MBNL1: variants seen among roughly 807,000 people sequenced by gnomAD.
MBNL1 encodes muscleblind like splicing regulator 1.
A neutral mutation model predicts 42.2 loss-of-function variants in MBNL1; 8 were observed. That is an observed-to-expected ratio of 0.19 (90% CI 0.11 to 0.34). The LOEUF (loss-of-function observed/expected upper bound fraction) is 0.34, where lower values mean the gene tolerates loss of function less well. MBNL1 is among the 10% of genes least tolerant of loss of function. The probability of loss-of-function intolerance (pLI) is 1.00; values close to 1 mark genes in which losing one functional copy is unlikely to be tolerated. For missense variants in MBNL1, 309 were observed against 495.3 expected, an observed-to-expected ratio of 0.62 and a Z score of 3.57; for synonymous variants, 169 against 173.9, an observed-to-expected ratio of 0.97 and a Z score of 0.22.
chr3:152,314,349 G>A (rs188748545), intron 2 of MBNL1, among the ~76,000 whole-genome samples: 3 of 146,890 alleles, frequency 2.0e-5, no homozygotes, highest in Admixed American at 6.8e-5. Context: ...ATTCTAGCCT[G>A]TTGAAATGGT....
At chr3:152,395,069 C>T (rs1312905420) in intron 2 of MBNL1, among the ~76,000 whole-genome samples, 1 of 152,070 alleles carries the variant, frequency 6.6e-6, no homozygotes, top group African/African-American at 2.4e-5. Context: ...CCATGTTGGC[C>T]AGGATGGTCT....
chr3:152,414,208 T>G (rs2098655171), intron 2 of MBNL1, among the ~76,000 whole-genome samples: 1 of 152,256 alleles, frequency 6.6e-6, no homozygotes, highest in Non-Finnish European at 1.5e-5. Context: ...TTATAGCAAC[T>G]TAGTTTCTCC....
At chr3:152,393,155 C>T (rs2097787957) in intron 2 of MBNL1, among the ~76,000 whole-genome samples, 1 of 152,144 alleles carries the variant, frequency 6.6e-6, no homozygotes, top group South Asian at 2.1e-4. Context: ...TTCTGTCATT[C>T]CTCCCTGAAA....
chr3:152,247,094 C>G (rs1200710363), intron 2 of MBNL1, among the ~76,000 whole-genome samples: 1 of 152,044 alleles, frequency 6.6e-6, no homozygotes, highest in Non-Finnish European at 1.5e-5. Context: ...GTTTCCTCTT[C>G]TTTTGGCCAT....
intron 2 of MBNL1, among the ~76,000 whole-genome samples, chr3:152,348,249 T>C (rs1175051387): frequency 1.3e-5 from 2 of 152,096 alleles, no homozygotes; most frequent in Middle Eastern, 3.2e-3. Flanking sequence ...AATATAGAAG[T>C]TGCTATATCA....
intron 5 of MBNL1, among the ~76,000 whole-genome samples, 162 bp downstream of exon 5, chr3:152,445,701 G>A (rs2099213885): frequency 6.6e-6 from 1 of 152,196 alleles, no homozygotes; most frequent in South Asian, 2.1e-4. Context: ...TACTTTCACA[G>A]AAGTGAGGGT....
chr3:152,296,339 CTG>C (rs1339214469), intron 1 of MBNL1, among the ~76,000 whole-genome samples: 2 of 152,054 alleles, frequency 1.3e-5, no homozygotes, highest in African/African-American at 4.8e-5. Context: ...TTGAGAATGA[CTG>C]AGTCAAGGTG....
At chr3:152,298,103 A>G (rs2059403629) in intron 1 of MBNL1, among the ~76,000 whole-genome samples, 1 of 152,184 alleles carries the variant, frequency 6.6e-6, no homozygotes, top group African/African-American at 2.4e-5. Context: ...TTTTTAATGT[A>G]CGTATGTATT....
Position 152,273,579 on chromosome 3 carries a change from G to A in MBNL1, c.-790+4487G>A, listed in dbSNP as rs546829802. Among the ~76,000 whole-genome samples the A allele has an allele frequency of 5.9e-5, 9 of 152,172 alleles. 1 individual carries two copies. The South Asian group carries it at 1.9e-3, about 32-fold the overall frequency. ...TTACACATTTGGTTCTTTTTCTACT[G>A]TTTTTGATTATGTTCTCTAGGTTAC... On this transcript the variant is annotated intron_variant, in intron 1 of 9. Coordinates refer to ENST00000324210, the MANE Select transcript of MBNL1 (RefSeq NM_021038.5).
Position 152,268,966 on chromosome 3 carries a change from C to G in MBNL1, c.-916C>G. 2.2e-6 allele frequency: 1 copy of G among 456,272 alleles called. No homozygotes were observed. Among genetic ancestry groups the G allele is most frequent in the South Asian group, 1.5e-5 (1 of 64,574 alleles). 28.3% of individuals were successfully genotyped at this position (456,272 alleles called of 1,614,324 possible). A position where few individuals can be genotyped will look rare whatever the true frequency, so the allele number is the denominator to read the frequency against. ...GCAGCTGAATGAGTTGTGGCGCCCA[C>G]AATGCTCCCATGACAAGGAGCTGAC... On this transcript the variant is annotated 5_prime_UTR_variant, in exon 1 of 10. Coordinates refer to ENST00000324210, the MANE Select transcript of MBNL1 (RefSeq NM_021038.5).
chr3:152,434,415 T>C (rs1034244356), intron 4 of MBNL1, among the ~76,000 whole-genome samples: 1 of 152,250 alleles, frequency 6.6e-6, no homozygotes, highest in Non-Finnish European at 1.5e-5. Context: ...TAGTATTCCA[T>C]GGTGTATATG....
Position 152,463,564 on chromosome 3 carries a change from G to A in MBNL1, c.*1198G>A, listed in dbSNP as rs1409129776. 2.0e-5 allele frequency: 3 copies of A among 152,368 alleles called. No homozygotes were observed. Among genetic ancestry groups the A allele is most frequent in the African/African-American group, 7.2e-5 (3 of 41,386 alleles). 9.4% of individuals were successfully genotyped at this position (152,368 alleles called of 1,614,324 possible). On this transcript the variant is annotated 3_prime_UTR_variant, in exon 10 of 10. Transcript: ENST00000324210. ...CATGATAAACCAAAATATGAAAATG[G>A]GAAATGTTTAATTAACCTAGTAATT...
intron 2 of MBNL1, among the ~76,000 whole-genome samples, chr3:152,362,875 T>C (rs989915637): frequency 2.6e-5 from 4 of 152,214 alleles, no homozygotes; most frequent in African/African-American, 7.2e-5. Context: ...TGTAGAGATA[T>C]AGATAAATGT....
rs556977085 is a variant in MBNL1 at position 152,435,073 on chromosome 3, G to A, written c.549+2153G>A. On this transcript the variant is annotated intron_variant, in intron 4 of 9. Transcript: ENST00000324210. ...TATCATTTTTCCATTTTTTTTTTTC[G>A]TTGCGATTGCTTTTGGCATATTTGT... 1.1e-4 allele frequency among the ~76,000 whole-genome samples: 17 copies of A among 147,836 alleles called. No homozygotes were observed. In the East Asian group the frequency reaches 1.4e-3, roughly 12 times the overall value.
At chr3:152,280,752 T>C (rs1201494514) in intron 1 of MBNL1, among the ~76,000 whole-genome samples, 1 of 152,172 alleles carries the variant, frequency 6.6e-6, no homozygotes, top group African/African-American at 2.4e-5. Flanking sequence ...TTCCAGACTT[T>C]GAAATGGTGA....
intron 2 of MBNL1, among the ~76,000 whole-genome samples, chr3:152,334,790 T>G (rs1372217778): frequency 6.6e-6 from 1 of 152,202 alleles, no homozygotes; most frequent in Non-Finnish European, 1.5e-5. Context: ...CAAGTCTTCC[T>G]TATAATAAAG....
At chr3:152,382,844 C>T (rs2097240113) in intron 2 of MBNL1, among the ~76,000 whole-genome samples, 1 of 152,032 alleles carries the variant, frequency 6.6e-6, no homozygotes, top group Non-Finnish European at 1.5e-5. Context: ...TTTGCTTTAA[C>T]ATTCTGGTTC....
chr3:152,403,216 CTG>C (rs968072728), intron 2 of MBNL1, among the ~76,000 whole-genome samples: 8 of 150,102 alleles, frequency 5.3e-5, no homozygotes, highest in African/African-American at 1.5e-4. Flanking sequence ...AAAAAAAAAA[CTG>C]TGTTGCCATG....
intron 6 of MBNL1, among the ~76,000 whole-genome samples, chr3:152,454,909 T>C (rs1319612935): frequency 6.6e-6 from 1 of 152,212 alleles, no homozygotes; most frequent in African/African-American, 2.4e-5. Flanking sequence ...GGCACAAATT[T>C]CACTTTTTTA....
Sources: gnomAD v4.1 joint callset for allele counts (sites outside exome capture counted in the v4.1 genomes callset) on GRCh38, gnomAD v4.1.1 for gene constraint, MANE v1.5 for transcripts, NCBI Gene and HGNC (gene_info 2026-07-23, HGNC 2026-07-21) for gene names.